Variants in ZFR observed in about 807,000 individuals in gnomAD.
ZFR encodes the protein zinc finger RNA-binding protein.
In ZFR, 19 loss-of-function variants were observed where a neutral mutation model predicts 130.7. The observed-to-expected ratio is 0.15, with a 90% confidence interval of 0.10 to 0.21. ZFR has a LOEUF of 0.21. Among genes scored for constraint, ZFR ranks in the 10% least tolerant of loss-of-function variants. The pLI, the probability that ZFR is intolerant of heterozygous loss-of-function variation, is 1.00. For synonymous variants in ZFR, 466 were observed against 456.9 expected (o/e 1.02, Z -0.25); for missense variants, 872 against 1,321.5 (o/e 0.66, Z 5.27).
chr5:32,424,463 G>A lies in ZFR; in HGVS notation c.138-4360C>T, dbSNP rs560333634. Among the ~76,000 whole-genome samples the A allele has an allele frequency of 3.3e-5, 5 of 151,890 alleles. No individual in the cohort carries two copies. The East Asian group carries it at 5.8e-4, about 18-fold the overall frequency. On this transcript the variant is annotated intron_variant, in intron 2 of 19. Transcript: ENST00000265069. ...GGAGAATGGCGTGAGCCCAGAAGGCGGAGCTTGCAGTGAGCCGAGATCGCG... is the reference window on the plus strand; with the variant it reads ...GGAGAATGGCGTGAGCCCAGAAGGCAGAGCTTGCAGTGAGCCGAGATCGCG...
intron 15 of ZFR, among the ~76,000 whole-genome samples, chr5:32,385,193 C>T (rs1475623769): frequency 1.3e-5 from 2 of 151,472 alleles, no homozygotes; most frequent in Admixed American, 6.6e-5. Context: ...CATTTTAAAA[C>T]CATTTTTTCA....
intron 14 of ZFR, among the ~76,000 whole-genome samples, chr5:32,386,124 A>C (rs1753041206): frequency 6.6e-6 from 1 of 152,118 alleles, no homozygotes; most frequent in African/African-American, 2.4e-5. Context: ...ACAGGTAATA[A>C]GCTCCATTTT....
intron 19 of ZFR, among the ~76,000 whole-genome samples, chr5:32,358,075 T>C (rs568303282): frequency 2.0e-4 from 31 of 152,216 alleles, no homozygotes; most frequent in Non-Finnish European, 4.0e-4. Flanking sequence ...AAATTAAAAT[T>C]GGCTGAATGT....
chr5:32,427,624 CAGAAA>C (rs1405438732), intron 2 of ZFR, among the ~76,000 whole-genome samples: 3 of 151,066 alleles, frequency 2.0e-5, no homozygotes, highest in African/African-American at 7.3e-5. Flanking sequence ...TTTTTTTTGC[CAGAAA>C]AGAAATCTAT....
chr5:32,399,089 C>A (rs1055395593), intron 9 of ZFR, among the ~76,000 whole-genome samples: 1 of 151,966 alleles, frequency 6.6e-6, no homozygotes, highest in Admixed American at 6.5e-5. Context: ...GCCTGGCCAA[C>A]ATAGTGAAAC....
At chr5:32,397,868 T>A (rs1753353778) in intron 9 of ZFR, among the ~76,000 whole-genome samples, 1 of 135,346 alleles carries the variant, frequency 7.4e-6, no homozygotes, top group Non-Finnish European at 1.6e-5. Flanking sequence ...TTTTTTTTTT[T>A]TTTTTTTGAG....
intron 9 of ZFR, among the ~76,000 whole-genome samples, chr5:32,399,267 T>C (rs1480589109): frequency 7.2e-6 from 1 of 138,170 alleles, no homozygotes; most frequent in African/African-American, 2.7e-5. Context: ...AGAATAAGAC[T>C]CTGTCTCAAA....
At chr5:32,384,314 A>T (rs1752991231) in intron 15 of ZFR, among the ~76,000 whole-genome samples, 1 of 152,186 alleles carries the variant, frequency 6.6e-6, no homozygotes, top group Admixed American at 6.5e-5. Flanking sequence ...ACGTTCACAT[A>T]AGAAAACCCT....
intron 2 of ZFR, among the ~76,000 whole-genome samples, chr5:32,443,215 G>A (rs1754511801): frequency 6.6e-6 from 1 of 152,170 alleles, no homozygotes; most frequent in Non-Finnish European, 1.5e-5. Flanking sequence ...CAGGAGCCGT[G>A]TGCGCTTATG....
chr5:32,373,533 A>G (rs1752726377), intron 17 of ZFR, among the ~76,000 whole-genome samples: 1 of 152,226 alleles, frequency 6.6e-6, no homozygotes, highest in South Asian at 2.1e-4. Context: ...CTCTGTAACT[A>G]CAGAATAAAT....
intron 2 of ZFR, among the ~76,000 whole-genome samples, chr5:32,442,008 A>G (rs753403448): frequency 1.3e-5 from 2 of 152,246 alleles, no homozygotes; most frequent in Non-Finnish European, 2.9e-5. Flanking sequence ...TACTGGGATA[A>G]AACAATCACA....
intron 12 of ZFR, among the ~76,000 whole-genome samples, chr5:32,389,592 G>A (rs745768561): frequency 3.4e-4 from 51 of 152,124 alleles, no homozygotes; most frequent in Non-Finnish European, 4.1e-4. Context: ...TGAGGCTTCG[G>A]TGAGCTATGA....
intron 2 of ZFR, among the ~76,000 whole-genome samples, chr5:32,431,993 A>ATT (rs572737993): frequency 4.5e-3 from 625 of 137,592 alleles, no homozygotes; most frequent in Middle Eastern, 0.011. Flanking sequence ...ATGCCCAGCT[A>ATT]TTTTTTTTTT....
chr5:32,424,019 T>C (rs1754013012), intron 2 of ZFR, among the ~76,000 whole-genome samples: 1 of 152,184 alleles, frequency 6.6e-6, no homozygotes, highest in Admixed American at 6.5e-5. Context: ...CATGAAGATA[T>C]ATTCCAGCTA....
intron 5 of ZFR, among the ~76,000 whole-genome samples, chr5:32,408,777 C>T (rs1013698753): frequency 1.3e-5 from 2 of 152,180 alleles, no homozygotes; most frequent in African/African-American, 2.4e-5. Flanking sequence ...CATATACATG[C>T]TTTATCACTG....
intron 2 of ZFR, among the ~76,000 whole-genome samples, chr5:32,438,148 GCTTA>G (rs1353859194): frequency 2.7e-5 from 4 of 149,640 alleles, no homozygotes; most frequent in East Asian, 2.0e-4. Context: ...TTTTATTCCT[GCTTA>G]CTTAATAGAT....
At chr5:32,389,894 T>C (rs1158736309) in intron 12 of ZFR, among the ~76,000 whole-genome samples, 1 of 152,256 alleles carries the variant, frequency 6.6e-6, no homozygotes. Flanking sequence ...CTCATGCCTA[T>C]AATCCCAGCA....
chr5:32,422,733 G>C (rs1319962221), intron 2 of ZFR, among the ~76,000 whole-genome samples: 1 of 142,184 alleles, frequency 7.0e-6, no homozygotes, highest in African/African-American at 2.7e-5. Flanking sequence ...AGAGGAGGTT[G>C]AGGCTACGGT....
At chr5:32,420,332 CA>C (rs2111824587) in intron 2 of ZFR, among the ~76,000 whole-genome samples, 1 of 151,306 alleles carries the variant, frequency 6.6e-6, no homozygotes, top group South Asian at 2.1e-4. Flanking sequence ...TCTTTAATCT[CA>C]ATACATTATA....
Sources: allele counts gnomAD v4.1 joint callset (sites outside exome capture counted in the v4.1 genomes callset), GRCh38; gene constraint gnomAD v4.1.1; transcripts MANE v1.5; gene names NCBI Gene and HGNC (gene_info 2026-07-23, HGNC 2026-07-21).